CDC23: variants seen among roughly 807,000 people sequenced by gnomAD.
CDC23 encodes the protein cell division cycle 23.
In CDC23, 26 loss-of-function variants were observed where a neutral mutation model predicts 81.7. The observed-to-expected ratio is 0.32, with a 90% CI of 0.23 to 0.44. CDC23 has a LOEUF of 0.44. CDC23 is among the 20% of genes least tolerant of loss of function. The probability of loss-of-function intolerance (pLI) is 1.00; values close to 1 mark genes in which losing one functional copy is unlikely to be tolerated. For synonymous variants in CDC23, 267 were observed against 270.8 expected, an observed-to-expected ratio of 0.99 and a Z score of 0.14; for missense variants, 519 against 728.0, an observed-to-expected ratio of 0.71 and a Z score of 3.30.
chr5:138,209,527 A>C (rs1008116891), intron 2 of CDC23, among the ~76,000 whole-genome samples: 1 of 152,044 alleles, frequency 6.6e-6, no homozygotes, highest in African/African-American at 2.4e-5. Flanking sequence ...TGTTTATAAA[A>C]CACTGAGAGT....
In CDC23 at chr5:138,198,657, A is replaced by G. The variant is rs1389447613; in HGVS notation, c.780T>C (p.Ser260=). ...KYQNLIDVGF[S]KSSYIVSQIA... Reference sequence around the variant, plus strand: ...TTTGGGAAACAATATACGAGCTCTTAGAGAAGCCCACATCAATGAGATTCT... The same window carrying G: ...TTTGGGAAACAATATACGAGCTCTTGGAGAAGCCCACATCAATGAGATTCT... Residue 260 remains serine, a synonymous_variant, in exon 7 of 16, where the codon TCT becomes TCC. Coordinates refer to ENST00000394886, the MANE Select transcript of CDC23 (RefSeq NM_004661.4). 6.2e-7 allele frequency: 1 copy of G among 1,614,182 alleles called. No individual in the cohort carries two copies.
chr5:138,201,435 T>C lies in CDC23; in HGVS notation c.429A>G (p.Lys143=). The change falls in exon 5 of 16, where the codon AAA becomes AAG. Residue 143 remains lysine (K), a synonymous_variant. Coordinates refer to ENST00000394886, the MANE Select transcript of CDC23 (RefSeq NM_004661.4). ...ETVDSLGPLE[K]GQVKNEALRE... Reference sequence around the variant, plus strand: ...TAAGCGCCTCATTTTTCACTTGTCCTTTTTCCAGGGGGCCTAGGAAAGAAA... The same window carrying C: ...TAAGCGCCTCATTTTTCACTTGTCCCTTTTCCAGGGGGCCTAGGAAAGAAA... The C allele has an allele frequency of 6.2e-7, 1 of 1,611,138 alleles. No homozygotes were observed. The highest frequency in any genetic ancestry group is 8.5e-7 in the Non-Finnish European group (1 of 1,177,584).
At position 138,192,356 on chromosome 5, in the gene CDC23, C is replaced by T; in HGVS notation, c.1199G>A (p.Arg400Lys). Residue 400 changes from arginine (R) to lysine (K), a missense_variant, in exon 11 of 16, where the codon AGA (arginine) becomes AAA (lysine). Around this residue, in one of 4 missense-constraint regions of CDC23, gnomAD observed 175 missense variants for 337.8 expected, o/e 0.52. Transcript: ENST00000394886. Reference protein sequence around the residue: ...HAIEVNKRDYRAWYGLGQTYE... With the variant: ...HAIEVNKRDYKAWYGLGQTYE... ...GGTCTGCCCGAGGCCATACCAAGCT[C>T]TGTAGTCCCGTTTGTTGACCTCAAT... 1.2e-6 allele frequency: 2 copies of T among 1,614,202 alleles called. No homozygotes were observed. The highest frequency in any genetic ancestry group is 1.7e-6 in the Non-Finnish European group (2 of 1,180,044).
At position 138,189,769 on chromosome 5, in the gene CDC23, A is replaced by G. The variant is rs1265130761; in HGVS notation, c.1504-17T>C. On this transcript the variant is annotated splice_polypyrimidine_tract_variant and intron_variant, in intron 14 of 15. Coordinates refer to ENST00000394886, the MANE Select transcript of CDC23 (RefSeq NM_004661.4). ...TACTATTTCCTAGAAAGGGAAAGCA[A>G]AATTACTGAGGTGACAGTAATAATA... 1 of 1,613,362 alleles carries G rather than the reference A, an allele frequency of 6.2e-7. No homozygotes were observed. Among genetic ancestry groups the G allele is most frequent in the South Asian group, 1.1e-5 (1 of 91,020 alleles).
At chr5:138,201,615 G>A (rs1309837181) in intron 4 of CDC23, among the ~76,000 whole-genome samples, 167 bp from the exon 5 acceptor site, 1 of 152,092 alleles carries the variant, frequency 6.6e-6, no homozygotes, top group Non-Finnish European at 1.5e-5. Flanking sequence ...CCAAAGTGCT[G>A]GGATTATAGG....
At chr5:138,194,076 AG>A (rs1299009262) in intron 9 of CDC23, among the ~76,000 whole-genome samples, 1 of 152,190 alleles carries the variant, frequency 6.6e-6, no homozygotes, top group Non-Finnish European at 1.5e-5. Context: ...AAAGTATAAG[AG>A]CCATCTGTCT....
At chr5:138,212,066 G>C (rs1474268291) in intron 2 of CDC23, among the ~76,000 whole-genome samples, 1 of 152,172 alleles carries the variant, frequency 6.6e-6, no homozygotes, top group Non-Finnish European at 1.5e-5. Flanking sequence ...TGCTAATAAA[G>C]AACTTGACCG....
intron 6 of CDC23, among the ~76,000 whole-genome samples, chr5:138,200,399 T>A (rs1561635736): frequency 6.6e-6 from 1 of 152,114 alleles, no homozygotes; most frequent in Non-Finnish European, 1.5e-5. Flanking sequence ...CCCAAAGTGC[T>A]AGGATTACAG....
In CDC23 at chr5:138,187,992, A is replaced by T. The variant is rs999004641; in HGVS notation, c.*986T>A. ...ACTGTGCAAATATATTACAGCAGAC[A>T]TTATAGCATATTACCTCCTGCTGTA... On this transcript the variant is annotated 3_prime_UTR_variant, in exon 16 of 16. Coordinates refer to ENST00000394886, the MANE Select transcript of CDC23 (RefSeq NM_004661.4). 1 of 154,594 alleles carries T rather than the reference A, an allele frequency of 6.5e-6. No individual in the cohort carries two copies. Among genetic ancestry groups the T allele is most frequent in the Non-Finnish European group, 1.4e-5 (1 of 69,612 alleles). The allele number at this position is 154,594 out of a possible 1,614,324, so 9.6% of individuals were successfully genotyped here.
At chr5:138,189,193 G>A (rs375738377) in intron 15 of CDC23, 45 bp from the exon 16 acceptor site, 2 of 1,571,718 alleles carry the variant, frequency 1.3e-6, no homozygotes, top group African/African-American at 2.7e-5. Flanking sequence ...TCCAAAGCTA[G>A]TCTCGAAAAC....
intron 2 of CDC23, among the ~76,000 whole-genome samples, chr5:138,209,359 T>A: frequency 6.8e-6 from 1 of 146,044 alleles, no homozygotes. Flanking sequence ...ACCTGGGAGG[T>A]GGAGGTTGCA....
intron 2 of CDC23, among the ~76,000 whole-genome samples, chr5:138,208,640 C>T (rs937072463): frequency 1.3e-5 from 2 of 152,134 alleles, no homozygotes; most frequent in African/African-American, 2.4e-5. Flanking sequence ...AAAATATATT[C>T]GTAACAGTCG....
chr5:138,191,423 T>A, intron 13 of CDC23, 51 bp downstream of exon 13: 1 of 1,506,142 alleles, frequency 6.6e-7, no homozygotes, highest in East Asian at 2.3e-5. Context: ...GGACCCACCA[T>A]CCCAGAGAAG....
At chr5:138,211,779 T>C (rs1222044565) in intron 2 of CDC23, among the ~76,000 whole-genome samples, 2 of 152,060 alleles carry the variant, frequency 1.3e-5, no homozygotes, top group Admixed American at 1.3e-4. Flanking sequence ...ATGTAGCAAA[T>C]CTGCACAAGT....
intron 15 of CDC23, 140 bp downstream of exon 15, chr5:138,189,493 A>C (rs1754801466): frequency 1.3e-6 from 1 of 789,488 alleles, no homozygotes; most frequent in Non-Finnish European, 2.0e-6. Context: ...TCCTGGACAC[A>C]AGCGATCCTC....
At chr5:138,191,045 T>A (rs114950113) in intron 13 of CDC23, among the ~76,000 whole-genome samples, 8 of 152,338 alleles carry the variant, frequency 5.3e-5, no homozygotes, top group Non-Finnish European at 1.2e-4. Flanking sequence ...TATCCTTTCT[T>A]CAAATCAATC....
At chr5:138,200,754 A>G (rs1484379754) in intron 6 of CDC23, among the ~76,000 whole-genome samples, 1 of 152,174 alleles carries the variant, frequency 6.6e-6, no homozygotes, top group African/African-American at 2.4e-5. Context: ...TGGGAGGCAG[A>G]GGTTGCCGTG....
chr5:138,188,983 G>A lies in CDC23; in HGVS notation c.1789C>T (p.Pro597Ser), dbSNP rs778019049. 3.1e-6 allele frequency: 5 copies of A among 1,613,814 alleles called. No homozygotes were observed. The highest frequency in any genetic ancestry group is 4.2e-6 in the Non-Finnish European group (5 of 1,179,820). ...GCTGGCTTGAGAGTAGCCAACTATG[G>A]CGTGACAGAAGACAAGTTGAGTGGA... is the stretch of plus-strand genomic sequence containing the variant. ...VSPLNLSSVT[P>S] is the part of the protein sequence containing the mutation. Residue 597 changes from proline (P) to serine (S), a missense_variant, in exon 16 of 16, where the codon CCA becomes TCA. Pro to Ser is a moderately conservative substitution (Grantham distance 74, BLOSUM62 -1). Around this residue, in one of 4 missense-constraint regions of CDC23, gnomAD observed 38 missense variants for 34.7 expected, o/e 1.10. Coordinates refer to ENST00000394886, the MANE Select transcript of CDC23 (RefSeq NM_004661.4).
intron 6 of CDC23, chr5:138,200,858 T>C: frequency 2.2e-6 from 1 of 447,646 alleles, no homozygotes; most frequent in South Asian, 3.7e-5. Context: ...AACTGAAATG[T>C]GAAAACATGA....
Sources: allele counts gnomAD v4.1 joint callset (sites outside exome capture counted in the v4.1 genomes callset), GRCh38; gene constraint gnomAD v4.1.1; regional missense constraint gnomAD v4.1.1; transcripts MANE v1.5; gene names NCBI Gene and HGNC (gene_info 2026-07-23, HGNC 2026-07-21).